Variants in FNIP1 observed in about 807,000 individuals in gnomAD.
The protein encoded by FNIP1 is folliculin-interacting protein 1.
FNIP1 carries 40 observed loss-of-function variants against 124.5 expected under a neutral mutation model. That is an observed-to-expected ratio of 0.32 (90% confidence interval 0.25 to 0.42). The LOEUF (loss-of-function observed/expected upper bound fraction) is 0.42, where lower values mean the gene tolerates loss of function less well. Ranked by LOEUF, FNIP1 falls within the 10% of genes least tolerant of loss-of-function variation. The pLI is 1.00. For synonymous variants in FNIP1, 472 were observed against 470.6 expected, an observed-to-expected ratio of 1.00 and a Z score of -0.04; for missense variants, 1,176 against 1,403.7, an observed-to-expected ratio of 0.84 and a Z score of 2.59.
chr5:131,655,716 G>A (rs185429590), intron 15 of FNIP1, among the ~76,000 whole-genome samples: 11 of 150,948 alleles, frequency 7.3e-5, no homozygotes, highest in Middle Eastern at 3.4e-3. Flanking sequence ...AGGCCATCCT[G>A]GCTAACACAG....
At chr5:131,713,503 G>A (rs1010117462) in intron 6 of FNIP1, among the ~76,000 whole-genome samples, 1 of 152,188 alleles carries the variant, frequency 6.6e-6, no homozygotes, top group African/African-American at 2.4e-5. Flanking sequence ...CAACTAACTG[G>A]TCAACTTCTA....
At chr5:131,744,977 A>G (rs535763322) in intron 1 of FNIP1, among the ~76,000 whole-genome samples, 252 of 151,976 alleles carry the variant, frequency 1.7e-3, no homozygotes, top group African/African-American at 5.7e-3. Flanking sequence ...ATAAATATAC[A>G]TAAGTATATT....
chr5:131,679,695 T>TA (rs1436481486), intron 11 of FNIP1, among the ~76,000 whole-genome samples: 1 of 152,204 alleles, frequency 6.6e-6, no homozygotes, highest in Non-Finnish European at 1.5e-5. Flanking sequence ...ACATACATGC[T>TA]ACATTTTATG....
At chr5:131,649,271 C>T (rs1766977074) in intron 16 of FNIP1, among the ~76,000 whole-genome samples, 1 of 152,168 alleles carries the variant, frequency 6.6e-6, no homozygotes, top group African/African-American at 2.4e-5. Context: ...ACATTACCAT[C>T]AACAATGCAT....
intron 1 of FNIP1, among the ~76,000 whole-genome samples, chr5:131,792,263 C>T (rs879626971): frequency 5.3e-5 from 8 of 151,338 alleles, no homozygotes; most frequent in Non-Finnish European, 8.8e-5. Flanking sequence ...CGGGTTCAAG[C>T]GATTCTCCTG....
At chr5:131,722,635 AAGAC>A (rs1332918275) in intron 3 of FNIP1, among the ~76,000 whole-genome samples, 1 of 152,226 alleles carries the variant, frequency 6.6e-6, no homozygotes, top group African/African-American at 2.4e-5. Context: ...TTTCTTTAAA[AAGAC>A]ACCTTCAAGT....
chr5:131,735,275 C>T (rs1470449762), intron 2 of FNIP1, among the ~76,000 whole-genome samples: 7 of 151,970 alleles, frequency 4.6e-5, no homozygotes, highest in Non-Finnish European at 8.8e-5. Flanking sequence ...CACTTGGACA[C>T]ACGAAGGGGA....
chr5:131,781,210 G>A (rs1455009333), intron 1 of FNIP1, among the ~76,000 whole-genome samples: 4 of 152,188 alleles, frequency 2.6e-5, no homozygotes, highest in Non-Finnish European at 5.9e-5. Context: ...AAGTAGTATA[G>A]GTTAGTTCAT....
At chr5:131,660,629 G>T (rs1767398786) in intron 15 of FNIP1, among the ~76,000 whole-genome samples, 1 of 152,204 alleles carries the variant, frequency 6.6e-6, no homozygotes, top group African/African-American at 2.4e-5. Flanking sequence ...GAGATGATTT[G>T]AGTATGAACT....
chr5:131,711,249 AG>A (rs1426696888), intron 6 of FNIP1, among the ~76,000 whole-genome samples: 3 of 152,202 alleles, frequency 2.0e-5, no homozygotes, highest in Non-Finnish European at 4.4e-5. Context: ...CCACTGTGGA[AG>A]GAGGAACACA....
chr5:131,660,237 A>C (rs1181191843), intron 15 of FNIP1, among the ~76,000 whole-genome samples: 1 of 152,080 alleles, frequency 6.6e-6, no homozygotes, highest in African/African-American at 2.4e-5. Context: ...CCTTGCCCAA[A>C]ACTCAACTGC....
chr5:131,739,672 G>A (rs1274639412), intron 2 of FNIP1, among the ~76,000 whole-genome samples: 1 of 152,102 alleles, frequency 6.6e-6, no homozygotes, highest in East Asian at 1.9e-4. Flanking sequence ...CGTTAGCCGG[G>A]CGTGGTGGCC....
chr5:131,672,876 A>G lies in FNIP1; in HGVS notation c.1568T>C (p.Val523Ala). ...CATGTCTTGTCGTTTGCCAACTACC[A>G]CAGTCCTTGCTAACCGTACGGGAGA... ...IGSPVRLART[V>A]VVGKRQDMVQ... The change falls in exon 14 of 18, where the codon GTG (valine) becomes GCG (alanine). Residue 523 changes from valine (V) to alanine (A), a missense_variant. Transcript: ENST00000510461. 3 of 1,599,750 alleles carry G rather than the reference A, an allele frequency of 1.9e-6. No homozygotes were observed. The highest frequency in any genetic ancestry group is 2.6e-6 in the Non-Finnish European group (3 of 1,173,880).
chr5:131,782,278 G>A (rs1464186595), intron 1 of FNIP1, among the ~76,000 whole-genome samples: 1 of 152,204 alleles, frequency 6.6e-6, no homozygotes, highest in African/African-American at 2.4e-5. Flanking sequence ...GCCAGGCACT[G>A]TGGCTCACAC....
At chr5:131,702,683 CCTT>C (rs1417303057) in intron 10 of FNIP1, among the ~76,000 whole-genome samples, 2 of 152,152 alleles carry the variant, frequency 1.3e-5, no homozygotes, top group African/African-American at 2.4e-5. Flanking sequence ...AAACCTTTGT[CCTT>C]CCTTTTTAGC....
Position 131,719,119 on chromosome 5 carries a change from T to C in FNIP1, c.456-59A>G, listed in dbSNP as rs543016639. On this transcript the variant is annotated intron_variant, in intron 4 of 17. Coordinates refer to ENST00000510461, the MANE Select transcript of FNIP1 (RefSeq NM_133372.3). ...CTAAAATATAATGACCTTTTGGATT[T>C]ATTATAAATAAAAATGTGTAAGTCA... 1.5e-5 allele frequency: 22 copies of C among 1,487,858 alleles called. No individual in the cohort carries two copies. The East Asian group carries it at 4.8e-4, about 32-fold the overall frequency. 92.2% of individuals were successfully genotyped at this position (1,487,858 alleles called of 1,614,324 possible). A position where few individuals can be genotyped will look rare whatever the true frequency, so the allele number is the denominator to read the frequency against.
chr5:131,674,703 G>A (rs942082185), intron 13 of FNIP1, among the ~76,000 whole-genome samples: 9 of 151,988 alleles, frequency 5.9e-5, no homozygotes, highest in Admixed American at 2.0e-4. Flanking sequence ...GTGCAATAGC[G>A]TGAGACCCTG....
chr5:131,765,602 T>C (rs1426532309), intron 1 of FNIP1, among the ~76,000 whole-genome samples: 1 of 152,240 alleles, frequency 6.6e-6, no homozygotes, highest in African/African-American at 2.4e-5. Context: ...TTAAACCCTT[T>C]TAATCTGCGT....
At chr5:131,715,741 A>G (rs1223177439) in intron 6 of FNIP1, among the ~76,000 whole-genome samples, 1 of 152,130 alleles carries the variant, frequency 6.6e-6, no homozygotes, top group African/African-American at 2.4e-5. Context: ...TTTATAAGTG[A>G]TTGCTCATTT....
Sources: allele counts gnomAD v4.1 joint callset (sites outside exome capture counted in the v4.1 genomes callset), GRCh38; gene constraint gnomAD v4.1.1; transcripts MANE v1.5; gene names NCBI Gene and HGNC (gene_info 2026-07-23, HGNC 2026-07-21).